Variants in PCMTD1 observed in about 807,000 individuals in gnomAD.
The protein encoded by PCMTD1 is protein-L-isoaspartate O-methyltransferase domain-containing protein 1.
Under a neutral mutation model 37.6 loss-of-function variants are expected in PCMTD1, and 12 were observed. The observed-to-expected ratio is 0.32, with a 90% CI of 0.20 to 0.52. The LOEUF (loss-of-function observed/expected upper bound fraction) is 0.52, where lower values mean the gene tolerates loss of function less well. Among genes scored for constraint, PCMTD1 ranks in the 20% least tolerant of loss-of-function variants. The probability of loss-of-function intolerance (pLI) is 0.97; values close to 1 mark genes in which losing one functional copy is unlikely to be tolerated. For missense variants in PCMTD1, 235 were observed against 421.3 expected (o/e 0.56, Z 3.87); for synonymous variants, 117 against 135.8 (o/e 0.86, Z 0.96).
chr8:51,898,537 C>T (rs117568640), intron 1 of PCMTD1, among the ~76,000 whole-genome samples: 2,140 of 152,280 alleles, frequency 0.014, 31 homozygotes, highest in Middle Eastern at 0.041. Flanking sequence ...CATCTCAAGA[C>T]GCCAGCCTCG....
chr8:51,896,251 A>G (rs2038999305), intron 1 of PCMTD1: 1 of 152,110 alleles, frequency 6.6e-6, no homozygotes, highest in South Asian at 2.1e-4. Context: ...CGGCCGCCAC[A>G]TTTCTTCCAA....
At chr8:51,861,790 T>C (rs1474033388) in intron 1 of PCMTD1, among the ~76,000 whole-genome samples, 2 of 151,826 alleles carry the variant, frequency 1.3e-5, no homozygotes. Context: ...GGTATGATCT[T>C]GGCTCATCCC....
chr8:51,833,202 T>G (rs369262069), intron 4 of PCMTD1, among the ~76,000 whole-genome samples: 15 of 152,090 alleles, frequency 9.9e-5, no homozygotes, highest in South Asian at 8.3e-4. Context: ...GAGCAACTAG[T>G]AGAGATCATC....
intron 2 of PCMTD1, among the ~76,000 whole-genome samples, chr8:51,855,937 G>A (rs1009284854): frequency 2.6e-5 from 4 of 152,018 alleles, no homozygotes; most frequent in African/African-American, 9.7e-5. Flanking sequence ...CAAAGTGCTC[G>A]GACTACAGAC....
intron 3 of PCMTD1, among the ~76,000 whole-genome samples, chr8:51,842,390 G>C (rs1411094266): frequency 6.6e-6 from 1 of 152,058 alleles, no homozygotes. Flanking sequence ...GAGTGCAATA[G>C]TGCAATCTTG....
At chr8:51,872,341 T>C (rs2129289754) in intron 1 of PCMTD1, among the ~76,000 whole-genome samples, 1 of 152,312 alleles carries the variant, frequency 6.6e-6, no homozygotes, top group East Asian at 1.9e-4. Context: ...AAATTAATCC[T>C]CAGGGAATAA....
intron 1 of PCMTD1, among the ~76,000 whole-genome samples, chr8:51,887,564 C>T (rs1047433683): frequency 6.6e-6 from 1 of 151,778 alleles, no homozygotes; most frequent in Admixed American, 6.6e-5. Context: ...TAACTGAACA[C>T]CCTGAAACTC....
intron 1 of PCMTD1, among the ~76,000 whole-genome samples, chr8:51,881,023 T>C (rs1381255962): frequency 1.3e-5 from 2 of 152,184 alleles, no homozygotes; most frequent in South Asian, 2.1e-4. Context: ...TAGTCCAAGT[T>C]TGGCCCATGG....
chr8:51,891,883 T>A (rs2038941809), intron 1 of PCMTD1, among the ~76,000 whole-genome samples: 1 of 151,986 alleles, frequency 6.6e-6, no homozygotes, highest in Non-Finnish European at 1.5e-5. Context: ...ACCACCTTCT[T>A]CTCTTGTTAA....
chr8:51,880,127 G>A (rs1373442725), intron 1 of PCMTD1, among the ~76,000 whole-genome samples: 1 of 151,848 alleles, frequency 6.6e-6, no homozygotes, highest in East Asian at 1.9e-4. Context: ...TTGGGACCAG[G>A]AGTTTGAGGT....
At chr8:51,834,664 T>C (rs926418604) in intron 3 of PCMTD1, among the ~76,000 whole-genome samples, 1 of 152,214 alleles carries the variant, frequency 6.6e-6, no homozygotes, top group Non-Finnish European at 1.5e-5. Context: ...AAAATAACAC[T>C]GATTTGAATC....
intron 3 of PCMTD1, among the ~76,000 whole-genome samples, chr8:51,844,212 T>C (rs1015252669): frequency 6.6e-6 from 1 of 152,230 alleles, no homozygotes; most frequent in Non-Finnish European, 1.5e-5. Flanking sequence ...TAAAAACTTT[T>C]ATTTCTGCCA....
At chr8:51,878,105 T>C (rs1328126144) in intron 1 of PCMTD1, among the ~76,000 whole-genome samples, 2 of 152,192 alleles carry the variant, frequency 1.3e-5, no homozygotes, top group East Asian at 3.8e-4. Flanking sequence ...TACATAAATG[T>C]AAGCCATTGT....
intron 2 of PCMTD1, among the ~76,000 whole-genome samples, chr8:51,857,106 G>A (rs2038402002): frequency 6.6e-6 from 1 of 152,236 alleles, no homozygotes; most frequent in Non-Finnish European, 1.5e-5. Context: ...AACGTCCCAT[G>A]ACAAAGAGAG....
chr8:51,863,391 T>C lies in PCMTD1; in HGVS notation c.-95-2145A>G, dbSNP rs563760657. On this transcript the variant is annotated intron_variant, in intron 1 of 5. Coordinates refer to ENST00000522514, the MANE Select transcript of PCMTD1 (RefSeq NM_052937.4). ...GGTCTTTACCACATAGCTCACATTTTTGGTGAGAAAAAGGCAAGAAGAAGA... is the reference window on the plus strand; with the variant it reads ...GGTCTTTACCACATAGCTCACATTTCTGGTGAGAAAAAGGCAAGAAGAAGA... Among the ~76,000 whole-genome samples, 385 of 152,268 alleles carry C rather than the reference T, an allele frequency of 2.5e-3. 6 individuals are homozygous for C. The highest frequency in any genetic ancestry group is 4.9e-4 in the Non-Finnish European group (33 of 68,014).
chr8:51,874,134 C>G lies in PCMTD1; in HGVS notation c.-95-12888G>C, dbSNP rs571126053. On this transcript the variant is annotated intron_variant, in intron 1 of 5. Transcript: ENST00000522514. ...AAGATGGTCTTGATCTCCTCACCTC[C>G]TGATCCGCCCACCTTGGCCTGCCAA... 1.6e-4 allele frequency among the ~76,000 whole-genome samples: 25 copies of G among 152,150 alleles called. No individual in the cohort carries two copies. The South Asian group carries it at 2.3e-3, about 14-fold the overall frequency.
chr8:51,898,916 G>A lies in PCMTD1; in HGVS notation c.-96+14C>T. On this transcript the variant is annotated intron_variant, in intron 1 of 5. Coordinates refer to ENST00000522514, the MANE Select transcript of PCMTD1 (RefSeq NM_052937.4). ...CACCCCACGACCCCGAGCCCCCACT[G>A]GCGGCGGCGTTACCTGTGGCGCGGG... is the stretch of plus-strand genomic sequence containing the variant. 1 of 1,325,870 alleles carries A rather than the reference G, an allele frequency of 7.5e-7. No individual in the cohort carries two copies. Among genetic ancestry groups the A allele is most frequent in the Non-Finnish European group, 9.6e-7 (1 of 1,040,102 alleles). 82.1% of individuals were successfully genotyped at this position (1,325,870 alleles called of 1,614,324 possible).
intron 1 of PCMTD1, among the ~76,000 whole-genome samples, chr8:51,863,251 A>T (rs2129287637): frequency 6.6e-6 from 1 of 152,308 alleles, no homozygotes; most frequent in Non-Finnish European, 1.5e-5. Flanking sequence ...ATTTACTAAA[A>T]AATTATTCCC....
At chr8:51,868,308 T>G (rs2038589585) in intron 1 of PCMTD1, among the ~76,000 whole-genome samples, 1 of 152,096 alleles carries the variant, frequency 6.6e-6, no homozygotes. Context: ...AGCTAAAACC[T>G]TATCTATGAT....
Sources: allele counts gnomAD v4.1 joint callset (sites outside exome capture counted in the v4.1 genomes callset), GRCh38; gene constraint gnomAD v4.1.1; transcripts MANE v1.5; gene names NCBI Gene and HGNC (gene_info 2026-07-23, HGNC 2026-07-21).